The following HOOK3 variants were observed in gnomAD, a reference collection of about 807,000 sequenced individuals.
The protein encoded by HOOK3 is protein Hook homolog 3.
A neutral mutation model predicts 116.3 loss-of-function variants in HOOK3; 24 were observed. That is an observed-to-expected ratio of 0.21 (90% CI 0.15 to 0.29). The LOEUF (loss-of-function observed/expected upper bound fraction) is 0.29. Ranked by LOEUF, HOOK3 falls within the 10% of genes least tolerant of loss-of-function variation. HOOK3 has a pLI of 1.00. For missense variants in HOOK3, 632 were observed against 830.2 expected (o/e 0.76, Z 2.93); for synonymous variants, 275 against 283.0 (o/e 0.97, Z 0.28).
rs908039580 is a variant in HOOK3, at chr8:43,009,053, T to G, written c.1738+1124T>G. On this transcript the variant is annotated intron_variant, in intron 18 of 21. Coordinates refer to ENST00000307602, the MANE Select transcript of HOOK3 (RefSeq NM_032410.4). ...TGGCAGGCCAAGGTAGGAGGATTGCTTGAGCCCAGGAGTTCAAGACCAGCC... is the reference window on the plus strand; with the variant it reads ...TGGCAGGCCAAGGTAGGAGGATTGCGTGAGCCCAGGAGTTCAAGACCAGCC... Among the ~76,000 whole-genome samples, 4 of 152,056 alleles carry G rather than the reference T, an allele frequency of 2.6e-5. No homozygotes were observed. In the South Asian group the frequency reaches 8.3e-4, roughly 32 times the overall value.
chr8:42,901,440 A>T (rs896112369), intron 1 of HOOK3, among the ~76,000 whole-genome samples: 4 of 152,246 alleles, frequency 2.6e-5, no homozygotes, highest in Admixed American at 2.6e-4. Context: ...TTTAAAGTGT[A>T]TAATTTTTTT....
At chr8:42,919,071 G>A (rs868618396) in intron 2 of HOOK3, among the ~76,000 whole-genome samples, 17 of 149,938 alleles carry the variant, frequency 1.1e-4, no homozygotes, top group Admixed American at 3.3e-4. Context: ...CGGACGGGGC[G>A]GCTGGCCGGG....
Position 42,957,111 on chromosome 8 carries a change from T to A in HOOK3, c.486T>A (p.Ser162=), listed in dbSNP as rs1318856817. ...GATTTCAGCTGATGAGTAAAGAATC[T>A]CCTGTCTCTGCTGGAAATGATGCCT... ...TAIQELMSKE[S]PVSAGNDAYV... is the part of the protein sequence containing the mutation. The change falls in exon 7 of 22, where the codon TCT becomes TCA. Residue 162 remains serine (S), a synonymous_variant. Transcript: ENST00000307602. The A allele has an allele frequency of 1.3e-6, 2 of 1,592,980 alleles. No individual in the cohort carries two copies. Among genetic ancestry groups the A allele is most frequent in the Admixed American group, 3.4e-5 (2 of 58,940 alleles).
chr8:42,991,190 T>A (rs1421199194), intron 15 of HOOK3, among the ~76,000 whole-genome samples: 1 of 152,196 alleles, frequency 6.6e-6, no homozygotes, highest in Non-Finnish European at 1.5e-5. Flanking sequence ...TTGGTTACTA[T>A]AGCTCTGTAG....
At chr8:42,952,515 C>T (rs1005260293) in intron 6 of HOOK3, among the ~76,000 whole-genome samples, 2 of 152,168 alleles carry the variant, frequency 1.3e-5, no homozygotes, top group African/African-American at 4.8e-5. Context: ...TTTCAGCCTC[C>T]TTTGTTTCCC....
intron 11 of HOOK3, 126 bp from the exon 12 acceptor site, chr8:42,973,163 C>A: frequency 9.6e-7 from 1 of 1,039,280 alleles, no homozygotes; most frequent in Non-Finnish European, 1.4e-6. Flanking sequence ...CTGTGTTAGA[C>A]TGCTGGATCA....
intron 17 of HOOK3, among the ~76,000 whole-genome samples, chr8:43,002,718 A>C (rs1002525768): frequency 6.6e-6 from 1 of 152,190 alleles, no homozygotes; most frequent in Admixed American, 6.6e-5. Flanking sequence ...AAGAGACTTT[A>C]AGGTCTTTAA....
chr8:42,946,447 G>C (rs535702355), intron 5 of HOOK3, among the ~76,000 whole-genome samples: 2 of 152,124 alleles, frequency 1.3e-5, no homozygotes, highest in Middle Eastern at 3.4e-3. Context: ...AGGAAAATAC[G>C]GCAGGAGATA....
intron 17 of HOOK3, among the ~76,000 whole-genome samples, chr8:43,004,536 C>T (rs1292870049): frequency 4.7e-5 from 7 of 150,462 alleles, no homozygotes; most frequent in Admixed American, 4.6e-4. Context: ...CAAAAATTAG[C>T]CAGGCATGGT....
chr8:42,967,282 C>T (rs1363958142), intron 10 of HOOK3, among the ~76,000 whole-genome samples: 2 of 152,016 alleles, frequency 1.3e-5, no homozygotes, highest in Non-Finnish European at 2.9e-5. Flanking sequence ...CACACACCTC[C>T]CATGACTTAG....
intron 2 of HOOK3, among the ~76,000 whole-genome samples, chr8:42,921,989 T>G (rs1807665761): frequency 6.6e-6 from 1 of 152,186 alleles, no homozygotes; most frequent in Non-Finnish European, 1.5e-5. Context: ...AATTGGTTTC[T>G]CTTAATAACA....
chr8:42,989,369 G>A (rs1199270383), intron 15 of HOOK3, among the ~76,000 whole-genome samples: 1 of 152,260 alleles, frequency 6.6e-6, no homozygotes, highest in African/African-American at 2.4e-5. Flanking sequence ...CCTGCAATAT[G>A]CAGGGACTCT....
At position 43,029,696 on chromosome 8, in the gene HOOK3, A is replaced by G. The variant is rs1554517715; in HGVS notation, c.*11198A>G. The G allele has an allele frequency of 5.1e-6, 1 of 195,218 alleles. No homozygotes were observed. Among genetic ancestry groups the G allele is most frequent in the Non-Finnish European group, 1.1e-5 (1 of 93,976 alleles). 12.1% of individuals were successfully genotyped at this position (195,218 alleles called of 1,614,324 possible). ...AACATATCTAATAATAATTTGCCTT[A>G]GTTTGATTAATAAATTATATCAAAA... On this transcript the variant is annotated 3_prime_UTR_variant, in exon 22 of 22. Coordinates refer to ENST00000307602, the MANE Select transcript of HOOK3 (RefSeq NM_032410.4).
intron 2 of HOOK3, among the ~76,000 whole-genome samples, chr8:42,910,009 T>G (rs13273189): frequency 0.048 from 7,304 of 152,266 alleles, 235 homozygotes; most frequent in South Asian, 0.086. Flanking sequence ...TTTTTGAGAT[T>G]TATTGCAAAG....
Position 42,930,187 on chromosome 8 carries a change from C to G in HOOK3, c.267+15C>G. On this transcript the variant is annotated intron_variant, in intron 4 of 21. Coordinates refer to ENST00000307602, the MANE Select transcript of HOOK3 (RefSeq NM_032410.4). ...ATAATCATGAGGTAAAGACTTTTTT[C>G]TCATTCTGCTTAGAAGTGTTACTAT... 6.6e-7 allele frequency: 1 copy of G among 1,519,158 alleles called. No individual in the cohort carries two copies. The highest frequency in any genetic ancestry group is 8.8e-7 in the Non-Finnish European group (1 of 1,130,026). The allele number at this position is 1,519,158 out of a possible 1,614,324, so 94.1% of individuals were successfully genotyped here.
At chr8:43,005,886 G>A (rs1453960710) in intron 17 of HOOK3, among the ~76,000 whole-genome samples, 2 of 149,294 alleles carry the variant, frequency 1.3e-5, no homozygotes, top group Non-Finnish European at 3.0e-5. Context: ...TAGTAGAGAC[G>A]GGGTTTCACC....
At chr8:42,982,002 C>G (rs1217990375) in intron 13 of HOOK3, among the ~76,000 whole-genome samples, 4 of 151,358 alleles carry the variant, frequency 2.6e-5, no homozygotes, top group African/African-American at 9.7e-5. Flanking sequence ...GCCTGTAATC[C>G]CAGCACTTTG....
chr8:42,967,844 T>C (rs753877660), intron 10 of HOOK3, among the ~76,000 whole-genome samples, 169 bp from the exon 11 acceptor site: 4 of 151,776 alleles, frequency 2.6e-5, no homozygotes, highest in Non-Finnish European at 5.9e-5. Context: ...CCATTAAACA[T>C]TTAGTTGTAA....
chr8:42,988,348 C>G (rs777395733), intron 15 of HOOK3, among the ~76,000 whole-genome samples: 3 of 152,162 alleles, frequency 2.0e-5, no homozygotes, highest in Non-Finnish European at 4.4e-5. Flanking sequence ...CCATTTTAGA[C>G]AGAAAAGTCT....
Sources: allele counts gnomAD v4.1 joint callset (sites outside exome capture counted in the v4.1 genomes callset), GRCh38; gene constraint gnomAD v4.1.1; transcripts MANE v1.5; gene names NCBI Gene and HGNC (gene_info 2026-07-23, HGNC 2026-07-21).